ARHGAP39: variants seen among roughly 807,000 people sequenced by gnomAD.
The protein encoded by ARHGAP39 is rho GTPase-activating protein 39.
ARHGAP39 carries 44 observed loss-of-function variants against 106.9 expected under a neutral mutation model. That is an observed-to-expected ratio of 0.41 (90% CI 0.32 to 0.53). ARHGAP39 has a LOEUF of 0.53. Ranked by LOEUF, ARHGAP39 falls within the 20% of genes least tolerant of loss-of-function variation. The pLI is 0.21. For missense variants in ARHGAP39, 1,496 were observed against 1,577.3 expected, an observed-to-expected ratio of 0.95 and a Z score of 0.87; for synonymous variants, 768 against 693.2, an observed-to-expected ratio of 1.11 and a Z score of -1.69.
At chr8:144,589,110 C>T (rs917856456) in intron 2 of ARHGAP39, among the ~76,000 whole-genome samples, 1 of 152,112 alleles carries the variant, frequency 6.6e-6, no homozygotes, top group Non-Finnish European at 1.5e-5. Context: ...CAGAAAGGCA[C>T]CGGCGGCATG....
intron 2 of ARHGAP39, among the ~76,000 whole-genome samples, chr8:144,597,938 G>C (rs1199115534): frequency 6.6e-6 from 1 of 152,162 alleles, no homozygotes; most frequent in East Asian, 1.9e-4. Flanking sequence ...TAAAAAAGAT[G>C]ATTAAATGGA....
chr8:144,617,153 G>A (rs989945718), intron 1 of ARHGAP39, among the ~76,000 whole-genome samples: 2 of 151,986 alleles, frequency 1.3e-5, no homozygotes, highest in African/African-American at 4.8e-5. Flanking sequence ...GTTGCAGTGA[G>A]CAGAGATTGT....
At chr8:144,649,920 G>A (rs761596854) in intron 1 of ARHGAP39, among the ~76,000 whole-genome samples, 45 of 152,056 alleles carry the variant, frequency 3.0e-4, no homozygotes, top group Non-Finnish European at 5.0e-4. Context: ...CAAGGTAGGC[G>A]GATCACAAGG....
At chr8:144,663,068 C>T in intron 1 of ARHGAP39, among the ~76,000 whole-genome samples, 1 of 147,898 alleles carries the variant, frequency 6.8e-6, no homozygotes, top group South Asian at 2.2e-4. Context: ...CCCCACCCCC[C>T]ATTATCCATC....
intron 6 of ARHGAP39, among the ~76,000 whole-genome samples, 196 bp downstream of exon 6, chr8:144,545,053 C>T (rs1817351047): frequency 6.6e-6 from 1 of 152,256 alleles, no homozygotes; most frequent in Admixed American, 6.5e-5. Context: ...CTCTTCACCT[C>T]AGTGCCCAGG....
At chr8:144,649,209 T>A (rs1257169138) in intron 1 of ARHGAP39, among the ~76,000 whole-genome samples, 1 of 149,618 alleles carries the variant, frequency 6.7e-6, no homozygotes. Flanking sequence ...TTTGGGAGGC[T>A]GAGGTGGGCA....
chr8:144,572,725 C>T (rs201434195), intron 3 of ARHGAP39, among the ~76,000 whole-genome samples: 4 of 152,114 alleles, frequency 2.6e-5, no homozygotes, highest in African/African-American at 7.2e-5. Flanking sequence ...TGCAATCTAC[C>T]CATCTGACAA....
intron 1 of ARHGAP39, among the ~76,000 whole-genome samples, chr8:144,614,519 A>C (rs1293915536): frequency 6.6e-6 from 1 of 151,948 alleles, no homozygotes; most frequent in African/African-American, 2.4e-5. Context: ...CGCCCAGCTA[A>C]TTTTTGTATT....
intron 6 of ARHGAP39, among the ~76,000 whole-genome samples, chr8:144,544,178 C>T (rs1817307714): frequency 1.3e-5 from 2 of 152,230 alleles, no homozygotes; most frequent in Admixed American, 6.5e-5. Flanking sequence ...GTTGAAAAGT[C>T]GGGTGAAACT....
rs777818602 is a variant in ARHGAP39, at chr8:144,537,716, C to T, written c.2614+5G>A. The T allele has an allele frequency of 6.2e-7, 1 of 1,613,810 alleles. No individual in the cohort carries two copies. The highest frequency in any genetic ancestry group is 2.2e-5 in the East Asian group (1 of 44,882). On this transcript the variant is annotated splice_donor_5th_base_variant and intron_variant, in intron 7 of 11. Coordinates refer to ENST00000377307, the MANE Select transcript of ARHGAP39 (RefSeq NM_025251.3). ...GCGCCCAGGGGCTGCGGGGAGAGGC[C>T]CTACCATCCGGCTCTTCAACATAAG...
chr8:144,548,030 CTTA>C lies in ARHGAP39; in HGVS notation c.1053_1055del (p.Lys352del). On this transcript the variant is annotated inframe_deletion, in exon 5 of 12. Coordinates refer to ENST00000377307, the MANE Select transcript of ARHGAP39 (RefSeq NM_025251.3). This position sits in a 1 kb window ranked among gnomAD's most constrained non-coding sequence, Gnocchi z 7.4. ...TGTTGGGCTGGAGGAACGGCCGGGG[CTTA>C]CGGCCCGGCGACCGCTGGGGAGAGC... 1 of 1,606,388 alleles carries C rather than the reference CTTA, an allele frequency of 6.2e-7. No individual in the cohort carries two copies. The highest frequency in any genetic ancestry group is 8.5e-7 in the Non-Finnish European group (1 of 1,177,480).
chr8:144,677,633 C>G (rs990438937), intron 1 of ARHGAP39, among the ~76,000 whole-genome samples: 2 of 151,782 alleles, frequency 1.3e-5, no homozygotes, highest in African/African-American at 2.4e-5. Flanking sequence ...ATCTCTCAAA[C>G]ATAGTTGAAA....
rs1176461747 is a variant in ARHGAP39 at position 144,581,028 on chromosome 8, C to T, written c.330G>A (p.Lys110=). ...IIPLAKLQTL[K]QNTESPRASA... is the part of the protein sequence containing the mutation. ...AGGCGCGCGGGGACTCCGTGTTCTG[C>T]TTCAGCGTCTGCAGCTTGGCCAGCG... The change falls in exon 3 of 12, where the codon AAG becomes AAA. Residue 110 remains lysine (K), a synonymous_variant. Coordinates refer to ENST00000377307, the MANE Select transcript of ARHGAP39 (RefSeq NM_025251.3). 1.2e-5 allele frequency: 19 copies of T among 1,586,380 alleles called. No individual in the cohort carries two copies. Among genetic ancestry groups the T allele is most frequent in the Non-Finnish European group, 1.6e-5 (19 of 1,166,810 alleles).
intron 7 of ARHGAP39, among the ~76,000 whole-genome samples, chr8:144,535,510 G>A (rs895220841): frequency 2.6e-5 from 4 of 152,248 alleles, no homozygotes; most frequent in Admixed American, 2.6e-4. Context: ...CTGGACCCAG[G>A]CTTCAGAGCC....
chr8:144,654,740 T>C (rs920453040), intron 1 of ARHGAP39, among the ~76,000 whole-genome samples: 3 of 151,762 alleles, frequency 2.0e-5, no homozygotes, highest in Non-Finnish European at 2.9e-5. Context: ...CCTTGCTCCA[T>C]GGAGCAGGAG....
intron 1 of ARHGAP39, among the ~76,000 whole-genome samples, chr8:144,628,972 C>T (rs111740147): frequency 0.032 from 4,875 of 152,286 alleles, 230 homozygotes; most frequent in African/African-American, 0.11. Flanking sequence ...CTTGTGATGG[C>T]GGATGCATCT....
chr8:144,602,210 TGCGA>T (rs1820022212), intron 2 of ARHGAP39, among the ~76,000 whole-genome samples: 1 of 133,498 alleles, frequency 7.5e-6, no homozygotes. Context: ...GAGGCGTGCG[TGCGA>T]GCTCGTGTAC....
chr8:144,661,327 C>T (rs533395551), intron 1 of ARHGAP39, among the ~76,000 whole-genome samples: 4 of 152,194 alleles, frequency 2.6e-5, no homozygotes, highest in Admixed American at 1.3e-4. Context: ...TGCGCATTCG[C>T]GCGTGACACT....
At chr8:144,561,800 C>CT (rs1462947764) in intron 3 of ARHGAP39, among the ~76,000 whole-genome samples, 301 of 125,432 alleles carry the variant, frequency 2.4e-3, no homozygotes, top group African/African-American at 7.1e-3. Flanking sequence ...TCCATCGGAC[C>CT]CCAGTGCTTT....
Sources: allele counts gnomAD v4.1 joint callset (sites outside exome capture counted in the v4.1 genomes callset), GRCh38; gene constraint gnomAD v4.1.1; non-coding constraint Gnocchi (gnomAD v3.1); transcripts MANE v1.5; gene names NCBI Gene and HGNC (gene_info 2026-07-23, HGNC 2026-07-21).